Variants in SLC16A7 observed in about 807,000 individuals in gnomAD.
The protein encoded by SLC16A7 is monocarboxylate transporter 2.
A neutral mutation model predicts 34.9 loss-of-function variants in SLC16A7; 33 were observed. The ratio of observed to expected loss-of-function variants is 0.94; its 90% CI spans 0.72 to 1.26. SLC16A7 has a LOEUF of 1.26. SLC16A7 is among the 50% of genes most tolerant of loss of function. The probability of loss-of-function intolerance (pLI) is 0.00; values close to 1 mark genes in which losing one functional copy is unlikely to be tolerated. For synonymous variants in SLC16A7, 201 were observed against 206.6 expected, an observed-to-expected ratio of 0.97 and a Z score of 0.23; for missense variants, 573 against 578.1, an observed-to-expected ratio of 0.99 and a Z score of 0.09.
intron 1 of SLC16A7, among the ~76,000 whole-genome samples, chr12:59,641,961 C>T (rs544050061): frequency 6.6e-6 from 1 of 152,084 alleles, no homozygotes; most frequent in South Asian, 2.1e-4. Context: ...TGCCCTAAAA[C>T]ACTGAGTAGC....
chr12:59,692,193 C>G (rs957138275), intron 2 of SLC16A7, among the ~76,000 whole-genome samples: 9 of 151,904 alleles, frequency 5.9e-5, no homozygotes, highest in African/African-American at 2.2e-4. Flanking sequence ...TCTGCGTCTT[C>G]CTTTCTGTGT....
intron 3 of SLC16A7, among the ~76,000 whole-genome samples, chr12:59,751,861 T>A (rs1055829838): frequency 6.6e-6 from 1 of 152,040 alleles, no homozygotes; most frequent in African/African-American, 2.4e-5. Context: ...ACCCCGCAGT[T>A]GGGGCAGACT....
At chr12:59,628,137 CTT>C (rs1880008413) in intron 1 of SLC16A7, among the ~76,000 whole-genome samples, 1 of 151,648 alleles carries the variant, frequency 6.6e-6, no homozygotes, top group Admixed American at 6.6e-5. Context: ...TAGCTCCTCT[CTT>C]TACTTTTTTA....
At chr12:59,715,742 A>G (rs1177985861) in intron 3 of SLC16A7, among the ~76,000 whole-genome samples, 1 of 152,228 alleles carries the variant, frequency 6.6e-6, no homozygotes, top group Non-Finnish European at 1.5e-5. Flanking sequence ...GTAAGTAGAT[A>G]AATATGTAAA....
At chr12:59,772,643 A>G (rs924695365) in intron 4 of SLC16A7, among the ~76,000 whole-genome samples, 1 of 152,152 alleles carries the variant, frequency 6.6e-6, no homozygotes, top group East Asian at 1.9e-4. Flanking sequence ...AACTTGATAC[A>G]TATGATCTGT....
At chr12:59,653,876 T>G (rs1387945316) in intron 1 of SLC16A7, among the ~76,000 whole-genome samples, 1 of 151,716 alleles carries the variant, frequency 6.6e-6, no homozygotes, top group Non-Finnish European at 1.5e-5. Flanking sequence ...ATGTGATTTT[T>G]TTATATTTTA....
At chr12:59,674,799 G>T (rs1471541778) in intron 2 of SLC16A7, among the ~76,000 whole-genome samples, 1 of 152,188 alleles carries the variant, frequency 6.6e-6, no homozygotes, top group Non-Finnish European at 1.5e-5. Flanking sequence ...AGTCAAGATA[G>T]AAGTCATGCT....
intron 2 of SLC16A7, among the ~76,000 whole-genome samples, chr12:59,694,071 C>G (rs1448581540): frequency 2.0e-5 from 3 of 151,558 alleles, no homozygotes; most frequent in Non-Finnish European, 1.5e-5. Context: ...TTTTATGCAC[C>G]CTATTACAAG....
At chr12:59,680,544 C>G (rs1468825795) in intron 2 of SLC16A7, among the ~76,000 whole-genome samples, 1 of 152,142 alleles carries the variant, frequency 6.6e-6, no homozygotes, top group Non-Finnish European at 1.5e-5. Context: ...CCACTCTCTA[C>G]TTGCAAACTT....
intron 1 of SLC16A7, among the ~76,000 whole-genome samples, chr12:59,635,941 T>A (rs1880401123): frequency 6.6e-6 from 1 of 151,912 alleles, no homozygotes; most frequent in South Asian, 2.1e-4. Flanking sequence ...GTATCAATGT[T>A]TTAGTACATA....
At chr12:59,676,881 A>G (rs1870357344) in intron 2 of SLC16A7, among the ~76,000 whole-genome samples, 1 of 152,176 alleles carries the variant, frequency 6.6e-6, no homozygotes, top group African/African-American at 2.4e-5. Flanking sequence ...TAACATTTGC[A>G]TAAGGTAGAA....
chr12:59,638,550 T>G (rs1172411666), intron 1 of SLC16A7, among the ~76,000 whole-genome samples: 1 of 152,158 alleles, frequency 6.6e-6, no homozygotes, highest in Non-Finnish European at 1.5e-5. Flanking sequence ...TACAAGTAAT[T>G]CTTATATCTC....
At chr12:59,774,628 T>G in intron 4 of SLC16A7, 29 bp from the exon 5 acceptor site, 1 of 1,403,660 alleles carries the variant, frequency 7.1e-7, no homozygotes, top group Non-Finnish European at 9.7e-7. Flanking sequence ...TGTTTGTGTT[T>G]TCCCCCACTT....
Position 59,780,573 on chromosome 12 carries a change from C to T in SLC16A7, c.*894C>T, listed in dbSNP as rs1883172980. ...ATGACTCTTAACAATGAGTCACATC[C>T]ATTGATTTTACAGGGATTTTAGTTC... On this transcript the variant is annotated 3_prime_UTR_variant, in exon 6 of 6. Coordinates refer to ENST00000547379, the MANE Select transcript of SLC16A7 (RefSeq NM_001270623.2). The T allele has an allele frequency of 6.6e-6, 1 of 152,048 alleles. No homozygotes were observed. The highest frequency in any genetic ancestry group is 2.4e-5 in the African/African-American group (1 of 41,420). The allele number at this position is 152,048 out of a possible 1,614,324, so 9.4% of individuals were successfully genotyped here.
chr12:59,678,889 T>C (rs1870523775), intron 2 of SLC16A7, among the ~76,000 whole-genome samples: 1 of 152,182 alleles, frequency 6.6e-6, no homozygotes, highest in South Asian at 2.1e-4. Flanking sequence ...CCTCCTGTGC[T>C]TGTTGATGCC....
chr12:59,705,677 G>A (rs1035491581), intron 3 of SLC16A7, among the ~76,000 whole-genome samples: 1 of 152,026 alleles, frequency 6.6e-6, no homozygotes, highest in African/African-American at 2.4e-5. Flanking sequence ...GGAATTATTG[G>A]TGCCTTATTA....
chr12:59,626,756 G>A (rs992239982), intron 1 of SLC16A7, among the ~76,000 whole-genome samples: 2 of 151,728 alleles, frequency 1.3e-5, no homozygotes, highest in Non-Finnish European at 2.9e-5. Context: ...TGGACTGTCA[G>A]GCTCACAGCA....
chr12:59,700,384 T>C (rs1242209013), intron 2 of SLC16A7, among the ~76,000 whole-genome samples: 1 of 151,342 alleles, frequency 6.6e-6, no homozygotes, highest in Non-Finnish European at 1.5e-5. Flanking sequence ...TCTAAAATTA[T>C]AATATTAAAT....
At chr12:59,706,456 G>A (rs1164235174) in intron 3 of SLC16A7, among the ~76,000 whole-genome samples, 1 of 152,070 alleles carries the variant, frequency 6.6e-6, no homozygotes, top group East Asian at 1.9e-4. Context: ...TACAGCATAT[G>A]TTTCCCTTAT....
Sources: gnomAD v4.1 joint callset for allele counts (sites outside exome capture counted in the v4.1 genomes callset) on GRCh38, gnomAD v4.1.1 for gene constraint, MANE v1.5 for transcripts, NCBI Gene and HGNC (gene_info 2026-07-23, HGNC 2026-07-21) for gene names.